The following OSBPL10 variants were observed in gnomAD, a reference collection of about 807,000 sequenced individuals.
OSBPL10 encodes oxysterol binding protein like 10, also known as oxysterol-binding protein-related protein 10.
Under a neutral mutation model 81.7 loss-of-function variants are expected in OSBPL10, and 49 were observed. The ratio of observed to expected loss-of-function variants is 0.60; its 90% CI spans 0.48 to 0.76. The LOEUF is 0.76. Ranked by LOEUF, OSBPL10 falls within the 30% of genes least tolerant of loss-of-function variation. The probability of loss-of-function intolerance (pLI) is 0.00; values close to 1 mark genes in which losing one functional copy is unlikely to be tolerated. For synonymous variants in OSBPL10, 419 were observed against 383.6 expected, an observed-to-expected ratio of 1.09 and a Z score of -1.08; for missense variants, 923 against 987.8, an observed-to-expected ratio of 0.93 and a Z score of 0.88.
intron 1 of OSBPL10, among the ~76,000 whole-genome samples, chr3:31,977,847 A>C (rs1698730151): frequency 6.6e-6 from 1 of 152,210 alleles, no homozygotes; most frequent in African/African-American, 2.4e-5. Context: ...CCCTTAATGC[A>C]TGTTTTCCCC....
intron 2 of OSBPL10, among the ~76,000 whole-genome samples, chr3:32,042,684 G>A (rs567147435): frequency 1.4e-3 from 206 of 152,194 alleles, no homozygotes; most frequent in Non-Finnish European, 1.9e-3. Flanking sequence ...ATCACATATC[G>A]GTAGGACCGT....
intron 11 of OSBPL10, chr3:31,663,338 A>G (rs1263267346): frequency 1.0e-6 from 1 of 985,486 alleles, no homozygotes; most frequent in Non-Finnish European, 1.2e-6. Flanking sequence ...CATCTGCCCC[A>G]GCCCTCACCG....
At chr3:32,067,814 C>T (rs1699791405) in intron 1 of OSBPL10, among the ~76,000 whole-genome samples, 1 of 152,158 alleles carries the variant, frequency 6.6e-6, no homozygotes, top group Non-Finnish European at 1.5e-5. Context: ...ATAATCCCAC[C>T]ACCCTTTGCT....
intron 1 of OSBPL10, among the ~76,000 whole-genome samples, chr3:32,063,646 G>T (rs974136776): frequency 1.1e-5 from 1 of 92,002 alleles, no homozygotes; most frequent in African/African-American, 2.8e-5. Context: ...TATGTGAAGG[G>T]AGGGACCTGG....
chr3:31,965,954 T>TTATATAAAATATAA (rs1559535572), intron 1 of OSBPL10, among the ~76,000 whole-genome samples: 5 of 98,738 alleles, frequency 5.1e-5, no homozygotes, highest in Non-Finnish European at 7.7e-5. Context: ...ATAATATATA[T>TTATATAAAATATAA]TATATATTAT....
intron 6 of OSBPL10, among the ~76,000 whole-genome samples, chr3:31,703,247 C>T (rs1214328706): frequency 6.6e-6 from 1 of 152,132 alleles, no homozygotes; most frequent in East Asian, 1.9e-4. Context: ...TTTCCAGTAT[C>T]CAAGTATTAA....
At chr3:31,936,114 A>C (rs1447324009) in intron 1 of OSBPL10, among the ~76,000 whole-genome samples, 3 of 152,122 alleles carry the variant, frequency 2.0e-5, no homozygotes, top group African/African-American at 7.2e-5. Context: ...ACTGGTCTTT[A>C]AATGTCCATT....
At chr3:31,940,311 G>A (rs1354723486) in intron 1 of OSBPL10, among the ~76,000 whole-genome samples, 1 of 152,186 alleles carries the variant, frequency 6.6e-6, no homozygotes, top group Non-Finnish European at 1.5e-5. Context: ...ACTTAAGAGA[G>A]CCAGACATGG....
intron 1 of OSBPL10, among the ~76,000 whole-genome samples, chr3:32,069,756 G>C (rs1362948432): frequency 6.6e-6 from 1 of 152,192 alleles, no homozygotes; most frequent in East Asian, 1.9e-4. Flanking sequence ...CTGAGTTACA[G>C]CTACTTGCTT....
chr3:31,993,618 G>A (rs1253545250), intron 2 of OSBPL10, among the ~76,000 whole-genome samples: 1 of 151,612 alleles, frequency 6.6e-6, no homozygotes, highest in Non-Finnish European at 1.5e-5. Context: ...TAGTCATTAG[G>A]GAAATACAAG....
intron 7 of OSBPL10, among the ~76,000 whole-genome samples, chr3:31,699,176 C>T (rs182577654): frequency 3.9e-5 from 6 of 152,310 alleles, no homozygotes; most frequent in Admixed American, 3.9e-4. Flanking sequence ...TGGAACTTGG[C>T]ACAACAGTCA....
chr3:31,761,813 T>TAAAAAAAAA lies in OSBPL10; in HGVS notation c.730-13702_730-13694dup, dbSNP rs34579457. Among the ~76,000 whole-genome samples the TAAAAAAAAA allele has an allele frequency of 2.8e-4, 30 of 107,510 alleles. 2 individuals are homozygous for TAAAAAAAAA. The highest frequency in any genetic ancestry group is 4.3e-3 in the Middle Eastern group (1 of 232). 70.5% of individuals were successfully genotyped at this position (107,510 alleles called of 152,430 possible). ...CTGGGCAACAGAGCAAGACTGTCTC[T>TAAAAAAAAA]AAAAAAAAAAAAAAAAAACCCTAAA... On this transcript the variant is annotated intron_variant, in intron 4 of 11. Coordinates refer to ENST00000396556, the MANE Select transcript of OSBPL10 (RefSeq NM_017784.5).
chr3:31,719,497 A>C (rs923153769), intron 6 of OSBPL10, among the ~76,000 whole-genome samples: 6 of 152,202 alleles, frequency 3.9e-5, no homozygotes, highest in African/African-American at 1.4e-4. Context: ...AATTATAAAA[A>C]AGGAAATTAA....
rs1699758327 is a variant in OSBPL10 at position 32,062,637 on chromosome 3, C to A, written n.185+14759G>T. 2.1e-5 allele frequency among the ~76,000 whole-genome samples: 2 copies of A among 94,492 alleles called. 1 individual carries two copies. The highest frequency in any genetic ancestry group is 5.7e-5 in the Non-Finnish European group (2 of 35,102). 62.0% of individuals were successfully genotyped at this position (94,492 alleles called of 152,430 possible). ...GGATACAGAGCTCAAAAGGGGACAG[C>A]AAGGGCTGGGAGCATGGGCTTCTTG... On this transcript the variant is annotated intron_variant and non_coding_transcript_variant, in intron 1 of 3. Transcript: ENST00000479173.
At chr3:31,911,409 C>G (rs1382841244) in intron 1 of OSBPL10, among the ~76,000 whole-genome samples, 1 of 152,104 alleles carries the variant, frequency 6.6e-6, no homozygotes, top group African/African-American at 2.4e-5. Context: ...GCTGGTGGTT[C>G]TGAGCATTTT....
chr3:31,906,863 T>C (rs1340760933), intron 1 of OSBPL10: 2 of 152,224 alleles, frequency 1.3e-5, no homozygotes, highest in African/African-American at 2.4e-5. Context: ...TAAAACTTGA[T>C]TTTGAAAAAC....
chr3:31,672,858 T>C (rs1404336241), intron 8 of OSBPL10, among the ~76,000 whole-genome samples: 1 of 152,188 alleles, frequency 6.6e-6, no homozygotes, highest in African/African-American at 2.4e-5. Context: ...AAGCAGATCA[T>C]GTGGGCTGGA....
intron 4 of OSBPL10, among the ~76,000 whole-genome samples, chr3:31,783,577 G>C (rs1196187887): frequency 6.6e-6 from 1 of 150,640 alleles, no homozygotes; most frequent in East Asian, 2.0e-4. Flanking sequence ...GATCACTTGA[G>C]GTCAGGAGAT....
At chr3:31,669,211 C>CA (rs1700267985) in intron 9 of OSBPL10, among the ~76,000 whole-genome samples, 1 of 151,844 alleles carries the variant, frequency 6.6e-6, no homozygotes, top group South Asian at 2.1e-4. Context: ...ATGGGTGCAC[C>CA]AAAATCTCAC....
Sources: gnomAD v4.1 joint callset for allele counts (sites outside exome capture counted in the v4.1 genomes callset) on GRCh38, gnomAD v4.1.1 for gene constraint, MANE v1.5 for transcripts, NCBI Gene and HGNC (gene_info 2026-07-23, HGNC 2026-07-21) for gene names.